NOSIP: variants seen among roughly 807,000 people sequenced by gnomAD.
NOSIP encodes nitric oxide synthase interacting protein.
Under a neutral mutation model 36.4 loss-of-function variants are expected in NOSIP, and 25 were observed. The ratio of observed to expected loss-of-function variants is 0.69; its 90% CI spans 0.50 to 0.96. The LOEUF (loss-of-function observed/expected upper bound fraction) is 0.96. Among genes scored for constraint, NOSIP ranks in the 40% least tolerant of loss-of-function variants. The pLI is 0.00. For missense variants in NOSIP, 370 were observed against 429.0 expected, an observed-to-expected ratio of 0.86 and a Z score of 1.21; for synonymous variants, 187 against 179.2, an observed-to-expected ratio of 1.04 and a Z score of -0.35.
At chr19:49,566,066 C>A (rs1447477776) in intron 1 of NOSIP, among the ~76,000 whole-genome samples, 1 of 151,340 alleles carries the variant, frequency 6.6e-6, no homozygotes, top group African/African-American at 2.4e-5. Context: ...GTCGTCCAGG[C>A]TGGAGTGCAG....
At chr19:49,557,064 C>T (rs920359649) in intron 5 of NOSIP, 26 bp downstream of exon 5, 2 of 1,603,080 alleles carry the variant, frequency 1.2e-6, no homozygotes, top group Non-Finnish European at 1.7e-6. Context: ...CGCCCCCCAA[C>T]CCACAAGAAG....
In NOSIP at chr19:49,557,194, G is replaced by T; in HGVS notation, c.314C>A (p.Ala105Glu). The T allele has an allele frequency of 1.2e-6, 2 of 1,604,926 alleles. No homozygotes were observed. The highest frequency in any genetic ancestry group is 8.5e-7 in the Non-Finnish European group (1 of 1,176,218). Residue 105 changes from alanine to glutamate, a missense_variant, in exon 5 of 9, where the codon GCG (alanine) becomes GAG (glutamate). Ala to Glu is a moderately radical substitution (Grantham distance 107, BLOSUM62 -1). Transcript: ENST00000596358. ...RREEQKELQR[A>E]ASQDHVRGFL... ...GCCCCGCACATGGTCCTGCGAGGCC[G>T]CCCGCTGAAGCTCCTTCTGCTCCTC...
At chr19:49,571,412 G>GCCCCACACTATATTGT (rs1344288361) in intron 1 of NOSIP, among the ~76,000 whole-genome samples, 2 of 152,280 alleles carry the variant, frequency 1.3e-5, no homozygotes, top group East Asian at 3.9e-4. Context: ...GAGCTCTCCT[G>GCCCCACACTATATTGT]CCCCACACTA....
chr19:49,578,819 T>A (rs962641820), intron 1 of NOSIP, among the ~76,000 whole-genome samples: 4 of 151,930 alleles, frequency 2.6e-5, no homozygotes, highest in African/African-American at 9.6e-5. Flanking sequence ...GCTAAGGGGT[T>A]TCACCGTGTT....
At chr19:49,580,298 G>A (rs2080609025) in intron 1 of NOSIP, among the ~76,000 whole-genome samples, 1 of 140,636 alleles carries the variant, frequency 7.1e-6, no homozygotes, top group Non-Finnish European at 1.6e-5. Flanking sequence ...GTGAGAGAGA[G>A]AGACAAAGAG....
At chr19:49,574,873 T>G (rs947781188) in intron 1 of NOSIP, among the ~76,000 whole-genome samples, 3 of 151,402 alleles carry the variant, frequency 2.0e-5, no homozygotes, top group Non-Finnish European at 4.4e-5. Context: ...TTTTTTTTTT[T>G]TTTTTTTGAG....
At chr19:49,572,585 G>GT (rs1325244755) in intron 1 of NOSIP, among the ~76,000 whole-genome samples, 1 of 151,600 alleles carries the variant, frequency 6.6e-6, no homozygotes, top group African/African-American at 2.4e-5. Context: ...GCTCATTTTT[G>GT]TATTTTTATA....
intron 1 of NOSIP, among the ~76,000 whole-genome samples, chr19:49,569,199 C>CTTT (rs71180641): frequency 2.4e-5 from 3 of 127,440 alleles, no homozygotes; most frequent in African/African-American, 2.9e-5. Flanking sequence ...TACAATGATA[C>CTTT]TTTTTTTTTT....
chr19:49,556,499 G>GC lies in NOSIP; in HGVS notation c.725+49dup, dbSNP rs757495143. 3 of 1,607,184 alleles carry GC rather than the reference G, an allele frequency of 1.9e-6. No homozygotes were observed. In the East Asian group the frequency reaches 6.7e-5, roughly 36 times the overall value. Reference sequence around the variant, plus strand: ...GACCTACTGGCCCCAAAGCCGGACCGCCCCGCAGGTTCCCGAGTGGTCCCT... The same window carrying GC: ...GACCTACTGGCCCCAAAGCCGGACCGCCCCCGCAGGTTCCCGAGTGGTCCCT... On this transcript the variant is annotated intron_variant, in intron 7 of 8. Transcript: ENST00000596358.
intron 1 of NOSIP, among the ~76,000 whole-genome samples, chr19:49,564,441 G>A (rs1406924212): frequency 7.9e-6 from 1 of 127,070 alleles, no homozygotes. Flanking sequence ...GGGACAGAGC[G>A]AGACTCCATC....
chr19:49,564,476 A>G (rs12985108), intron 1 of NOSIP, among the ~76,000 whole-genome samples: 2 of 149,342 alleles, frequency 1.3e-5, no homozygotes, highest in Middle Eastern at 3.2e-3. Flanking sequence ...AAAAAAAAAA[A>G]CAAAATAAAA....
chr19:49,566,790 C>CATATATATAT (rs1396220464), intron 1 of NOSIP: 82 of 117,738 alleles, frequency 7.0e-4, no homozygotes, highest in African/African-American at 3.3e-3. Flanking sequence ...AATACATATA[C>CATATATATAT]ATACATATAT....
intron 1 of NOSIP, among the ~76,000 whole-genome samples, chr19:49,571,237 C>T (rs1262433467): frequency 2.0e-5 from 3 of 151,440 alleles, no homozygotes; most frequent in African/African-American, 7.3e-5. Flanking sequence ...CCGCCCACCT[C>T]AGCCTCCCAA....
intron 1 of NOSIP, among the ~76,000 whole-genome samples, chr19:49,578,805 C>A (rs2080586430): frequency 6.6e-6 from 1 of 152,014 alleles, no homozygotes; most frequent in African/African-American, 2.4e-5. Flanking sequence ...TGCCATCATG[C>A]CCGGCTAAGG....
At chr19:49,555,908 G>A (rs559725529) in intron 8 of NOSIP, 86 bp from the exon 9 acceptor site, 1 of 984,404 alleles carries the variant, frequency 1.0e-6, no homozygotes, top group Non-Finnish European at 1.6e-6. Context: ...ATTCCTAAGC[G>A]GGTCAAGGTG....
Position 49,555,824 on chromosome 19 carries a change from T to G in NOSIP, c.835-2A>C. The G allele has an allele frequency of 6.2e-7, 1 of 1,611,288 alleles. No homozygotes were observed. Among genetic ancestry groups the G allele is most frequent in the Non-Finnish European group, 8.5e-7 (1 of 1,178,396 alleles). On this transcript the variant is annotated splice_acceptor_variant, in intron 8 of 8. Transcript: ENST00000596358. LOFTEE classifies it high-confidence loss of function. The stretch of plus-strand genomic sequence containing the variant: ...GGAGCCCGCGAAGCCGGTACCGCCC[T>G]GGGGGAGGTAGAGAGAAGGACGAGG...
intron 1 of NOSIP, among the ~76,000 whole-genome samples, chr19:49,561,838 A>G (rs58927171): frequency 0.11 from 16,876 of 151,574 alleles, 2,508 homozygotes; most frequent in African/African-American, 0.33. Context: ...AGCCGACATC[A>G]TGCCACTGCA....
At chr19:49,568,618 CAAG>C (rs2080441236) in intron 1 of NOSIP, among the ~76,000 whole-genome samples, 1 of 151,706 alleles carries the variant, frequency 6.6e-6, no homozygotes, top group African/African-American at 2.4e-5. Flanking sequence ...TCCAGCAAAT[CAAG>C]AAGAAAATTA....
intron 1 of NOSIP, among the ~76,000 whole-genome samples, chr19:49,573,714 G>A (rs2080515058): frequency 6.6e-6 from 1 of 152,136 alleles, no homozygotes; most frequent in Non-Finnish European, 1.5e-5. Flanking sequence ...ATCAGACCTT[G>A]TGGGAAGCAC....
Sources: gnomAD v4.1 joint callset for allele counts (sites outside exome capture counted in the v4.1 genomes callset) on GRCh38, gnomAD v4.1.1 for gene constraint, MANE v1.5 for transcripts, NCBI Gene and HGNC (gene_info 2026-07-23, HGNC 2026-07-21) for gene names.